KATNA1: variants seen among roughly 807,000 people sequenced by gnomAD.
KATNA1 encodes katanin catalytic subunit A1, also known as katanin p60 ATPase-containing subunit A1.
Under a neutral mutation model 62.6 loss-of-function variants are expected in KATNA1, and 42 were observed. The observed-to-expected ratio is 0.67, with a 90% CI of 0.52 to 0.87. The LOEUF is 0.87. Among genes scored for constraint, KATNA1 ranks in the 40% least tolerant of loss-of-function variants. KATNA1 has a pLI of 0.00. For missense variants in KATNA1, 498 were observed against 612.5 expected, an observed-to-expected ratio of 0.81 and a Z score of 1.97; for synonymous variants, 186 against 201.9, an observed-to-expected ratio of 0.92 and a Z score of 0.67.
intron 4 of KATNA1, among the ~76,000 whole-genome samples, chr6:149,606,351 T>C (rs1040188051): frequency 1.3e-5 from 2 of 152,152 alleles, no homozygotes; most frequent in Non-Finnish European, 1.5e-5. Context: ...GCCAAGAAAA[T>C]TTATGAAGCC....
At chr6:149,598,449 G>T (rs1382674614) in intron 7 of KATNA1, 99 bp from the exon 8 acceptor site, 7 of 1,209,124 alleles carry the variant, frequency 5.8e-6, no homozygotes, top group Non-Finnish European at 2.3e-6. Flanking sequence ...GGGAGGCTGG[G>T]CACAGTGGCT....
chr6:149,639,120 C>A (rs1292049304), intron 1 of KATNA1, among the ~76,000 whole-genome samples: 1 of 151,744 alleles, frequency 6.6e-6, no homozygotes, highest in Non-Finnish European at 1.5e-5. Flanking sequence ...GCCAATATGG[C>A]GAAACCCTGT....
At chr6:149,630,630 A>AAAAAAT (rs200259503) in intron 3 of KATNA1, among the ~76,000 whole-genome samples, 220 of 152,350 alleles carry the variant, frequency 1.4e-3, no homozygotes, top group African/African-American at 5.1e-3. Flanking sequence ...TCTGTCTCAA[A>AAAAAAT]AAAAATAAAA....
intron 2 of KATNA1, among the ~76,000 whole-genome samples, chr6:149,633,491 G>A (rs1264840086): frequency 6.6e-6 from 1 of 152,050 alleles, no homozygotes; most frequent in African/African-American, 2.4e-5. Context: ...GCACTTTAGG[G>A]AGGCTGAGGT....
intron 2 of KATNA1, among the ~76,000 whole-genome samples, chr6:149,634,275 AAAAATAAAATAAAATAAAAT>A (rs377557364): frequency 3.0e-5 from 4 of 133,962 alleles, no homozygotes; most frequent in South Asian, 2.3e-4. Flanking sequence ...TCCATCTCAA[AAAAATAAAATAAAATAAAAT>A]AAAATAAAAT....
intron 4 of KATNA1, among the ~76,000 whole-genome samples, chr6:149,605,902 T>TTACA: frequency 6.6e-6 from 1 of 152,026 alleles, no homozygotes; most frequent in Non-Finnish European, 1.5e-5. Context: ...CTGAGTAGGA[T>TTACA]GACAGGTGTG....
chr6:149,612,281 G>T (rs948452624), intron 4 of KATNA1, among the ~76,000 whole-genome samples: 11 of 152,186 alleles, frequency 7.2e-5, no homozygotes, highest in African/African-American at 2.7e-4. Flanking sequence ...GCCGAGGCAG[G>T]TGGATCACCT....
intron 3 of KATNA1, among the ~76,000 whole-genome samples, chr6:149,624,215 G>T (rs546805808): frequency 1.4e-4 from 21 of 152,092 alleles, no homozygotes; most frequent in Admixed American, 1.3e-3. Flanking sequence ...TGCTCAAAAA[G>T]TTTCAGTTTT....
At chr6:149,608,710 C>A (rs1318542649) in intron 4 of KATNA1, among the ~76,000 whole-genome samples, 1 of 152,240 alleles carries the variant, frequency 6.6e-6, no homozygotes, top group Non-Finnish European at 1.5e-5. Flanking sequence ...CCACCCCTCC[C>A]CGCCACAGTC....
intron 4 of KATNA1, among the ~76,000 whole-genome samples, chr6:149,619,647 G>A (rs2115116027): frequency 6.6e-6 from 1 of 152,076 alleles, no homozygotes; most frequent in African/African-American, 2.4e-5. Flanking sequence ...ACAAATGCTG[G>A]TGAGGATTTA....
At chr6:149,595,976 A>G (rs1214836760) in intron 10 of KATNA1, among the ~76,000 whole-genome samples, 1 of 152,218 alleles carries the variant, frequency 6.6e-6, no homozygotes, top group Non-Finnish European at 1.5e-5. Context: ...GTTCACTGAG[A>G]ATGAGACTGT....
intron 8 of KATNA1, 32 bp downstream of exon 8, chr6:149,598,191 CG>C: frequency 6.2e-7 from 1 of 1,610,712 alleles, no homozygotes; most frequent in East Asian, 2.2e-5. Flanking sequence ...AACAACCTCC[CG>C]TCCCTGTTCA....
Position 149,595,028 on chromosome 6 carries a change from G to A in KATNA1, c.*8C>T, listed in dbSNP as rs928616694. The stretch of plus-strand genomic sequence containing the variant: ...AAGGCACATTTCTCACAGTTTACAT[G>A]TGAGAATTTAGCATGATCCAAACTC... On this transcript the variant is annotated 3_prime_UTR_variant, in exon 11 of 11. Coordinates refer to ENST00000367411, the MANE Select transcript of KATNA1 (RefSeq NM_007044.4). 1 of 1,607,492 alleles carries A rather than the reference G, an allele frequency of 6.2e-7. No homozygotes were observed. Among genetic ancestry groups the A allele is most frequent in the African/African-American group, 1.3e-5 (1 of 74,886 alleles).
intron 4 of KATNA1, among the ~76,000 whole-genome samples, chr6:149,606,244 C>T (rs1298323703): frequency 6.6e-6 from 1 of 152,140 alleles, no homozygotes; most frequent in East Asian, 1.9e-4. Flanking sequence ...TTGAACCTAA[C>T]TTCTTCATAA....
At chr6:149,606,616 CTT>C (rs900353338) in intron 4 of KATNA1, among the ~76,000 whole-genome samples, 30 of 136,346 alleles carry the variant, frequency 2.2e-4, no homozygotes, top group East Asian at 2.1e-4. Flanking sequence ...AACTGTGTAA[CTT>C]TTTTTTTTTT....
intron 3 of KATNA1, among the ~76,000 whole-genome samples, chr6:149,625,724 A>T (rs1036670632): frequency 6.6e-6 from 1 of 152,192 alleles, no homozygotes; most frequent in Non-Finnish European, 1.5e-5. Context: ...ACCTGAGGTC[A>T]GGAGTTCAAG....
intron 1 of KATNA1, among the ~76,000 whole-genome samples, chr6:149,645,201 C>T (rs1395649535): frequency 6.6e-6 from 1 of 152,116 alleles, no homozygotes. Flanking sequence ...AATCACAGCA[C>T]TTTGGGAGGC....
rs780584106 is a variant in KATNA1 at position 149,604,734 on chromosome 6, T to C, written c.550A>G (p.Ser184Gly). ...ACTAAGTCTTTATCATATCCGGTACTATCAAATTTATTTGTCTCTGGTTCT... is the reference window on the plus strand; with the variant it reads ...ACTAAGTCTTTATCATATCCGGTACCATCAAATTTATTTGTCTCTGGTTCT... The part of the protein sequence containing the change: ...VTEPETNKFD[S>G]TGYDKDLVEA... Residue 184 changes from serine to glycine, a missense_variant, in exon 5 of 11, where the codon AGT (serine) becomes GGT (glycine). Transcript: ENST00000367411. 9.3e-6 allele frequency: 15 copies of C among 1,612,316 alleles called. No individual in the cohort carries two copies. In the East Asian group the frequency reaches 2.5e-4, roughly 26 times the overall value.
intron 1 of KATNA1, among the ~76,000 whole-genome samples, chr6:149,641,545 A>G: frequency 6.6e-6 from 1 of 152,152 alleles, no homozygotes; most frequent in Non-Finnish European, 1.5e-5. Flanking sequence ...GTTGATCCAG[A>G]AAACAAGAGA....
Sources: gnomAD v4.1 joint callset for allele counts (sites outside exome capture counted in the v4.1 genomes callset) on GRCh38, gnomAD v4.1.1 for gene constraint, MANE v1.5 for transcripts, NCBI Gene and HGNC (gene_info 2026-07-23, HGNC 2026-07-21) for gene names.